ADGRL2: variants seen among roughly 807,000 people sequenced by gnomAD.
ADGRL2 encodes the protein calcium-independent alpha-latrotoxin receptor 2.
ADGRL2 carries 44 observed loss-of-function variants against 157.4 expected under a neutral mutation model. That is an observed-to-expected ratio of 0.28 (90% CI 0.22 to 0.36). The LOEUF (loss-of-function observed/expected upper bound fraction) is 0.36, where lower values mean the gene tolerates loss of function less well. Among genes scored for constraint, ADGRL2 ranks in the 10% least tolerant of loss-of-function variants. The pLI, the probability that ADGRL2 is intolerant of heterozygous loss-of-function variation, is 1.00. For missense variants in ADGRL2, 1,510 were observed against 1,768.9 expected (o/e 0.85, Z 2.63); for synonymous variants, 585 against 624.7 (o/e 0.94, Z 0.95).
chr1:81,981,818 C>A lies in ADGRL2; in HGVS notation c.3124C>A (p.Leu1042Ile), dbSNP rs760143519. 1 of 1,606,832 alleles carries A rather than the reference C, an allele frequency of 6.2e-7. No homozygotes were observed. Reference sequence around the variant, plus strand: ...ACTTTATTTTTCCAGGTCTTGGGTGCTTGGCGCTTTCGCTCTTCTGTGTCT... The same window carrying A: ...ACTTTATTTTTCCAGGTCTTGGGTGATTGGCGCTTTCGCTCTTCTGTGTCT... ...SRLENIKSWV[L>I]GAFALLCLLG... Residue 1042 changes from leucine to isoleucine, a missense_variant, in exon 19 of 24, where the codon CTT becomes ATT. Around this residue, in one of 4 missense-constraint regions of ADGRL2, gnomAD observed 497 missense variants for 627.2 expected, o/e 0.79. Coordinates refer to ENST00000686636, the MANE Select transcript of ADGRL2 (RefSeq NM_001366006.2).
intron 1 of ADGRL2, among the ~76,000 whole-genome samples, chr1:81,756,854 A>T (rs890890716): frequency 6.6e-6 from 1 of 152,192 alleles, no homozygotes; most frequent in Non-Finnish European, 1.5e-5. Context: ...TTGATTGAAG[A>T]CACTCTTTGA....
intron 1 of ADGRL2, among the ~76,000 whole-genome samples, chr1:81,326,121 G>A (rs1557598685): frequency 6.6e-6 from 1 of 152,162 alleles, no homozygotes; most frequent in Non-Finnish European, 1.5e-5. Flanking sequence ...TGGAGAGTGG[G>A]AGAAAGAATC....
intron 3 of ADGRL2, among the ~76,000 whole-genome samples, chr1:81,640,669 A>AAATAAATAAATT (rs1263788913): frequency 1.3e-5 from 2 of 151,334 alleles, no homozygotes; most frequent in African/African-American, 4.8e-5. Flanking sequence ...ATAAATAAAT[A>AAATAAATAAATT]AATTACAGAA....
chr1:81,691,605 T>A (rs2083335528), intron 3 of ADGRL2, among the ~76,000 whole-genome samples: 1 of 151,872 alleles, frequency 6.6e-6, no homozygotes, highest in Admixed American at 6.6e-5. Context: ...TTCAAGTGAT[T>A]CTCCTGCCTC....
At chr1:81,810,393 G>A (rs935041208) in intron 1 of ADGRL2, among the ~76,000 whole-genome samples, 2 of 119,100 alleles carry the variant, frequency 1.7e-5, no homozygotes, top group Non-Finnish European at 3.5e-5. Context: ...TTTCTATGTG[G>A]AATTATTACT....
intron 1 of ADGRL2, among the ~76,000 whole-genome samples, chr1:81,356,211 G>GT (rs1663275595): frequency 1.3e-5 from 2 of 152,170 alleles, no homozygotes. Context: ...GAGACATGGT[G>GT]TTTTCTCTAA....
intron 2 of ADGRL2, among the ~76,000 whole-genome samples, chr1:81,864,906 C>T (rs751194594): frequency 4.6e-5 from 7 of 152,006 alleles, no homozygotes; most frequent in Non-Finnish European, 1.0e-4. Context: ...GAATCCCTTG[C>T]GCCTGTGATG....
intron 3 of ADGRL2, among the ~76,000 whole-genome samples, chr1:81,918,625 G>A (rs549940779): frequency 4.6e-5 from 7 of 152,034 alleles, no homozygotes; most frequent in South Asian, 2.1e-4. Flanking sequence ...TAGCAAGCAC[G>A]AGCTCTTGTG....
intron 1 of ADGRL2, among the ~76,000 whole-genome samples, chr1:81,344,214 G>T (rs915343743): frequency 3.3e-5 from 5 of 152,044 alleles, no homozygotes; most frequent in African/African-American, 9.7e-5. Context: ...GATTACAGGC[G>T]CAACGTCACC....
At chr1:81,483,846 C>T (rs145497879) in intron 2 of ADGRL2, among the ~76,000 whole-genome samples, 4 of 152,238 alleles carry the variant, frequency 2.6e-5, no homozygotes, top group East Asian at 1.9e-4. Flanking sequence ...TAAGCTCACT[C>T]GAAAGTCTCC....
intron 17 of ADGRL2, among the ~76,000 whole-genome samples, chr1:81,972,888 G>T (rs1262909303): frequency 1.4e-5 from 2 of 144,798 alleles, no homozygotes; most frequent in African/African-American, 5.2e-5. Flanking sequence ...CCCCAGCCTG[G>T]GCAACAGAGC....
At chr1:81,869,631 A>G (rs1444632816) in intron 2 of ADGRL2, among the ~76,000 whole-genome samples, 1 of 152,076 alleles carries the variant, frequency 6.6e-6, no homozygotes, top group Non-Finnish European at 1.5e-5. Context: ...AAATAATTAC[A>G]GTTTCTCACT....
intron 1 of ADGRL2, chr1:81,426,663 C>A (rs370563459): frequency 2.1e-6 from 1 of 466,634 alleles, no homozygotes; most frequent in Non-Finnish European, 4.2e-6. Flanking sequence ...ATGAGACACC[C>A]CCAAAGAAAA....
intron 1 of ADGRL2, among the ~76,000 whole-genome samples, chr1:81,715,368 A>G (rs981654110): frequency 6.6e-6 from 1 of 152,112 alleles, no homozygotes; most frequent in African/African-American, 2.4e-5. Flanking sequence ...TTGAACAAAC[A>G]TTTTATGCAG....
intron 3 of ADGRL2, among the ~76,000 whole-genome samples, chr1:81,616,679 C>CTTTTTTTTTTTTTTTTTTTTTTTT (rs1164087131): frequency 8.5e-5 from 9 of 105,962 alleles, no homozygotes; most frequent in East Asian, 2.8e-4. Flanking sequence ...CTTTTCTTTT[C>CTTTTTTTTTTTTTTTTTTTTTTTT]TTTTTTTTTT....
intron 3 of ADGRL2, among the ~76,000 whole-genome samples, chr1:81,623,861 T>C (rs2081852415): frequency 6.6e-6 from 1 of 152,074 alleles, no homozygotes; most frequent in Admixed American, 6.6e-5. Context: ...GGTCTCGAAC[T>C]CCTGACTTCA....
intron 2 of ADGRL2, among the ~76,000 whole-genome samples, chr1:81,842,938 T>C (rs1185369287): frequency 6.6e-6 from 1 of 152,046 alleles, no homozygotes; most frequent in Non-Finnish European, 1.5e-5. Flanking sequence ...GTATATTTGA[T>C]TAGTTGAAGT....
chr1:81,346,932 T>G (rs1427103441), intron 1 of ADGRL2, among the ~76,000 whole-genome samples: 1 of 152,138 alleles, frequency 6.6e-6, no homozygotes. Context: ...TAAAAGAGTT[T>G]TGAGGTGCAT....
In ADGRL2 at chr1:81,710,219, C is replaced by T. The variant is rs546615745; in HGVS notation, c.-143+10411C>T. Reference sequence around the variant, plus strand: ...AAATAAACCCATATGAAGCACCTCACGAGTCTCAGGTACTCTGGACAGAAA... The same window carrying T: ...AAATAAACCCATATGAAGCACCTCATGAGTCTCAGGTACTCTGGACAGAAA... On this transcript the variant is annotated intron_variant, in intron 1 of 20. Transcript: ENST00000359929. Among the ~76,000 whole-genome samples, 7 of 152,288 alleles carry T rather than the reference C, an allele frequency of 4.6e-5. No homozygotes were observed. In the East Asian group the frequency reaches 5.8e-4, roughly 13 times the overall value.
Sources: gnomAD v4.1 joint callset for allele counts (sites outside exome capture counted in the v4.1 genomes callset) on GRCh38, gnomAD v4.1.1 for gene constraint, gnomAD v4.1.1 regional missense constraint, MANE v1.5 for transcripts, NCBI Gene and HGNC (gene_info 2026-07-23, HGNC 2026-07-21) for gene names.